Variants in KCND3 observed in about 807,000 individuals in gnomAD.
The protein encoded by KCND3 is A-type voltage-gated potassium channel KCND3.
A neutral mutation model predicts 51.1 loss-of-function variants in KCND3; 9 were observed. The ratio of observed to expected loss-of-function variants is 0.18; its 90% CI spans 0.11 to 0.31. KCND3 has a LOEUF of 0.31. Ranked by LOEUF, KCND3 falls within the 10% of genes least tolerant of loss-of-function variation. The pLI, the probability that KCND3 is intolerant of heterozygous loss-of-function variation, is 1.00. For synonymous variants in KCND3, 349 were observed against 368.0 expected (o/e 0.95, Z 0.59); for missense variants, 526 against 903.8 (o/e 0.58, Z 5.36).
intron 2 of KCND3, among the ~76,000 whole-genome samples, chr1:111,875,757 T>C (rs1669023924): frequency 6.6e-6 from 1 of 152,258 alleles, no homozygotes; most frequent in Admixed American, 6.5e-5. Context: ...ACTCGGGGCC[T>C]CCAGATTCAG....
intron 2 of KCND3, among the ~76,000 whole-genome samples, chr1:111,930,603 A>AT (rs1671919416): frequency 1.1e-5 from 1 of 95,060 alleles, no homozygotes; most frequent in Admixed American, 1.5e-4. Flanking sequence ...GCTAGGTGCC[A>AT]CCCCCAACCC....
chr1:111,972,410 G>C (rs929422254), intron 2 of KCND3, among the ~76,000 whole-genome samples: 1 of 152,032 alleles, frequency 6.6e-6, no homozygotes, highest in Non-Finnish European at 1.5e-5. Flanking sequence ...CTGACCTCGT[G>C]ATCCGCCCGC....
chr1:111,837,900 A>G (rs183666054), intron 2 of KCND3, among the ~76,000 whole-genome samples: 38 of 152,188 alleles, frequency 2.5e-4, no homozygotes, highest in East Asian at 3.9e-4. Flanking sequence ...ATGTTCCCCA[A>G]TTGGAATTTG....
chr1:111,775,818 G>GCCCCCCCCCCCCCC lies in KCND3; in HGVS notation c.*258_*259insGGGGGGGGGGGGGG. 4 of 99,728 alleles carry GCCCCCCCCCCCCCC rather than the reference G, an allele frequency of 4.0e-5. No homozygotes were observed. Among genetic ancestry groups the GCCCCCCCCCCCCCC allele is most frequent in the South Asian group, 1.2e-4 (1 of 8,076 alleles). The allele number at this position is 99,728 out of a possible 1,614,324, so 6.2% of individuals were successfully genotyped here. A position where few individuals can be genotyped will look rare whatever the true frequency, so the allele number is the denominator to read the frequency against. On this transcript the variant is annotated 3_prime_UTR_variant, in exon 8 of 8. Transcript: ENST00000302127. ...AGCCTATATCCCCCGGCCTATCCCC[G>GCCCCCCCCCCCCCC]ACCCCCCCACCCTCCCTCCCTTCCT... is the stretch of plus-strand genomic sequence containing the variant.
chr1:111,844,329 T>C (rs555964756), intron 2 of KCND3, among the ~76,000 whole-genome samples: 93 of 152,248 alleles, frequency 6.1e-4, no homozygotes, highest in South Asian at 1.5e-3. Flanking sequence ...ACTTCAGAAT[T>C]ATTCCTTTTA....
chr1:111,943,636 T>C (rs542316122), intron 2 of KCND3, among the ~76,000 whole-genome samples: 1 of 152,348 alleles, frequency 6.6e-6, no homozygotes, highest in South Asian at 2.1e-4. Flanking sequence ...TGCTGGGTCA[T>C]GCCTCTTGTG....
chr1:111,776,121 T>C lies in KCND3; in HGVS notation c.1924A>G (p.Ile642Val), dbSNP rs754759010. The change falls in exon 8 of 8, where the codon ATT (isoleucine) becomes GTT (valine). Residue 642 changes from isoleucine (I) to valine (V), a missense_variant. Coordinates refer to ENST00000302127, the MANE Select transcript of KCND3 (RefSeq NM_001378969.1). ...ACAACATTGCTGGCTATGGAAGGAA[T>C]GTTCGTGTTGGGGCCTGGGCTGGCA... is the stretch of plus-strand genomic sequence containing the variant. Reference protein sequence around the residue: ...PPASPGPNTNIPSIASNVVKV... With the variant: ...PPASPGPNTNVPSIASNVVKV... The C allele has an allele frequency of 6.2e-7, 1 of 1,614,146 alleles. No homozygotes were observed. The highest frequency in any genetic ancestry group is 2.2e-5 in the East Asian group (1 of 44,882).
intron 2 of KCND3, among the ~76,000 whole-genome samples, chr1:111,860,384 T>C (rs1039571325): frequency 2.6e-5 from 4 of 152,202 alleles, no homozygotes; most frequent in Non-Finnish European, 5.9e-5. Context: ...GCTTAGGTGC[T>C]TGATTGATAC....
intron 2 of KCND3, among the ~76,000 whole-genome samples, chr1:111,838,847 C>T (rs917115999): frequency 6.6e-6 from 1 of 152,064 alleles, no homozygotes. Context: ...TACTATTGTC[C>T]AGATCACATC....
At chr1:111,870,952 A>G (rs1424376483) in intron 2 of KCND3, among the ~76,000 whole-genome samples, 2 of 152,216 alleles carry the variant, frequency 1.3e-5, no homozygotes, top group East Asian at 3.8e-4. Flanking sequence ...GGGATGTCAC[A>G]AAGAGACATA....
At chr1:111,983,760 C>T (rs1001960444) in intron 1 of KCND3, among the ~76,000 whole-genome samples, 2 of 152,150 alleles carry the variant, frequency 1.3e-5, no homozygotes, top group Non-Finnish European at 2.9e-5. Context: ...GTCCCCACTC[C>T]ACCCTCAGAG....
rs1219355757 is a variant in KCND3 at position 111,982,174 on chromosome 1, A to G, written c.553T>C (p.Phe185Leu). The change falls in exon 2 of 8, where the codon TTC becomes CTC. Residue 185 changes from phenylalanine to leucine, a missense_variant. Around this residue, in one of 5 missense-constraint regions of KCND3, gnomAD observed 159 missense variants for 262.8 expected, o/e 0.61. Transcript: ENST00000302127. This position sits in a 1 kb window ranked among gnomAD's most constrained non-coding sequence, Gnocchi z 8.5. ...NPHTSTLALV[F>L]YYVTGFFIAV... ...ATGAAGAAGCCAGTCACGTAGTAGA[A>G]GACCAGGGCCAGCGTGCTGGTGTGG... 11 of 1,613,954 alleles carry G rather than the reference A, an allele frequency of 6.8e-6. No individual in the cohort carries two copies. Among genetic ancestry groups the G allele is most frequent in the Non-Finnish European group, 9.3e-6 (11 of 1,180,036 alleles).
chr1:111,944,217 C>A (rs1672668912), intron 2 of KCND3, among the ~76,000 whole-genome samples: 1 of 152,174 alleles, frequency 6.6e-6, no homozygotes, highest in Admixed American at 6.5e-5. Context: ...CTTGTGGAGA[C>A]CCATAGGGAG....
At chr1:111,850,298 G>C (rs1382680184) in intron 2 of KCND3, among the ~76,000 whole-genome samples, 1 of 152,118 alleles carries the variant, frequency 6.6e-6, no homozygotes, top group Non-Finnish European at 1.5e-5. Context: ...GCTAAGAATA[G>C]CATCATCATC....
chr1:111,860,112 A>AT (rs1668266289), intron 2 of KCND3, among the ~76,000 whole-genome samples: 3 of 152,114 alleles, frequency 2.0e-5, no homozygotes, highest in African/African-American at 7.2e-5. Flanking sequence ...ACTACCAACA[A>AT]TAGTTACGGC....
chr1:111,956,266 G>A (rs1673335114), intron 2 of KCND3, among the ~76,000 whole-genome samples: 1 of 152,080 alleles, frequency 6.6e-6, no homozygotes, highest in Non-Finnish European at 1.5e-5. Context: ...TGCATCTGGA[G>A]CCCTGGGGAG....
chr1:111,897,455 T>C (rs933483032), intron 2 of KCND3, among the ~76,000 whole-genome samples: 1 of 152,244 alleles, frequency 6.6e-6, no homozygotes, highest in African/African-American at 2.4e-5. Context: ...GGAGGTGCTT[T>C]TGCCTGTGTG....
At chr1:111,963,359 G>A (rs565931242) in intron 2 of KCND3, among the ~76,000 whole-genome samples, 147 of 152,334 alleles carry the variant, frequency 9.6e-4, no homozygotes, top group African/African-American at 3.4e-3. Context: ...CAGTGGTTAA[G>A]GGGATCCTAG....
intron 2 of KCND3, among the ~76,000 whole-genome samples, chr1:111,906,962 A>G (rs1180183610): frequency 2.0e-5 from 3 of 152,212 alleles, no homozygotes; most frequent in Non-Finnish European, 4.4e-5. Flanking sequence ...CCTGCAGATT[A>G]AAACACCCAC....
Sources: gnomAD v4.1 joint callset for allele counts (sites outside exome capture counted in the v4.1 genomes callset) on GRCh38, gnomAD v4.1.1 for gene constraint, gnomAD v4.1.1 regional missense constraint, Gnocchi (gnomAD v3.1) non-coding constraint, MANE v1.5 for transcripts, NCBI Gene and HGNC (gene_info 2026-07-23, HGNC 2026-07-21) for gene names.